The following BRWD1 variants were observed in gnomAD, a reference collection of about 807,000 sequenced individuals.
The protein encoded by BRWD1 is bromodomain and WD repeat domain containing 1, also known as bromodomain and WD repeat-containing protein 1.
BRWD1 carries 82 observed loss-of-function variants against 251.2 expected under a neutral mutation model. The observed-to-expected ratio is 0.33, with a 90% CI of 0.27 to 0.39. The LOEUF is 0.39. BRWD1 is among the 10% of genes least tolerant of loss of function. The pLI, the probability that BRWD1 is intolerant of heterozygous loss-of-function variation, is 1.00. For synonymous variants in BRWD1, 918 were observed against 902.8 expected, an observed-to-expected ratio of 1.02 and a Z score of -0.30; for missense variants, 2,233 against 2,711.6, an observed-to-expected ratio of 0.82 and a Z score of 3.92.
chr21:39,242,492 C>T (rs2034037803), intron 21 of BRWD1, among the ~76,000 whole-genome samples: 1 of 152,186 alleles, frequency 6.6e-6, no homozygotes, highest in South Asian at 2.1e-4. Context: ...GGTGAAGCAG[C>T]AAGTGCTTTA....
At chr21:39,312,560 GA>G (rs143724712) in intron 4 of BRWD1, 124 of 325,650 alleles carry the variant, frequency 3.8e-4, no homozygotes, top group African/African-American at 2.5e-3. Context: ...CACCCCCGCA[GA>G]GGCGGCCGCA....
Position 39,256,637 on chromosome 21 carries a change from GC to G in BRWD1, c.2072-810del, listed in dbSNP as rs1243193332. ...TGTTAAGGTGGGTATAGGAGGCTGCGCAACCTCCCATGAGCTGGAAGCCACA... is the reference window on the plus strand; with the variant it reads ...TGTTAAGGTGGGTATAGGAGGCTGCGAACCTCCCATGAGCTGGAAGCCACA... On this transcript the variant is annotated intron_variant, in intron 18 of 40. Coordinates refer to ENST00000342449, the MANE Select transcript of BRWD1 (RefSeq NM_033656.4). Among the ~76,000 whole-genome samples, 8 of 152,184 alleles carry G rather than the reference GC, an allele frequency of 5.3e-5. No homozygotes were observed. In the South Asian group the frequency reaches 1.0e-3, roughly 20 times the overall value.
rs151076785 is a variant in BRWD1 at position 39,196,956 on chromosome 21, A to G, written c.6113T>C (p.Ile2038Thr). 4 of 1,613,982 alleles carry G rather than the reference A, an allele frequency of 2.5e-6. No homozygotes were observed. Among genetic ancestry groups the G allele is most frequent in the African/African-American group, 1.3e-5 (1 of 75,054 alleles). Reference sequence around the variant, plus strand: ...ACTTTTTCTTTTAGAAGGTGCATCTATTTTGTGAATATTGGTATGCCTGTG... The same window carrying G: ...ACTTTTTCTTTTAGAAGGTGCATCTGTTTTGTGAATATTGGTATGCCTGTG... Reference protein sequence around the residue: ...HKHRHTNIHKIDAPSKRKSSS... With the variant: ...HKHRHTNIHKTDAPSKRKSSS... The change falls in exon 41 of 41, where the codon ATA becomes ACA. Residue 2038 changes from isoleucine to threonine, a missense_variant. Ile to Thr is a moderately conservative substitution (Grantham distance 89, BLOSUM62 -1). This residue lies in a region of BRWD1 where 928 missense variants were observed against 970.0 expected (regional missense o/e 0.96). Coordinates refer to ENST00000342449, the MANE Select transcript of BRWD1 (RefSeq NM_033656.4).
intron 38 of BRWD1, among the ~76,000 whole-genome samples, chr21:39,201,779 G>T (rs1045620435): frequency 1.3e-5 from 2 of 152,124 alleles, no homozygotes; most frequent in African/African-American, 4.8e-5. Flanking sequence ...TTTCAATGCT[G>T]TCAATACTAT....
At position 39,296,370 on chromosome 21, in the gene BRWD1, A is replaced by G; in HGVS notation, c.350-7T>C. On this transcript the variant is annotated splice_region_variant and splice_polypyrimidine_tract_variant and intron_variant, in intron 5 of 40. Coordinates refer to ENST00000342449, the MANE Select transcript of BRWD1 (RefSeq NM_033656.4). ...CAAACTGTGTGCCTGCAGTCTTTAAAATGAATTTTAGATACACATAAAATC... is the reference window on the plus strand; with the variant it reads ...CAAACTGTGTGCCTGCAGTCTTTAAGATGAATTTTAGATACACATAAAATC... The G allele has an allele frequency of 6.4e-7, 1 of 1,557,928 alleles. No individual in the cohort carries two copies. Among genetic ancestry groups the G allele is most frequent in the South Asian group, 1.2e-5 (1 of 80,532 alleles).
At chr21:39,252,940 A>T (rs2034443585) in intron 19 of BRWD1, among the ~76,000 whole-genome samples, 1 of 152,176 alleles carries the variant, frequency 6.6e-6, no homozygotes, top group Admixed American at 6.5e-5. Context: ...TCACAAATAC[A>T]GATATGTAAT....
At position 39,192,231 on chromosome 21, in the gene BRWD1, G is replaced by A. The variant is rs1418508409; in HGVS notation, c.*4028C>T. On this transcript the variant is annotated 3_prime_UTR_variant, in exon 41 of 41. Coordinates refer to ENST00000342449, the MANE Select transcript of BRWD1 (RefSeq NM_033656.4). The stretch of plus-strand genomic sequence containing the variant: ...TTTAAAACTTAAAATCGTAAGAAAA[G>A]ACAACACAGCCCTTAGCATTACATA... The A allele has an allele frequency of 5.1e-6, 5 of 978,540 alleles. No individual in the cohort carries two copies. The highest frequency in any genetic ancestry group is 6.0e-6 in the Non-Finnish European group (5 of 828,224). 60.6% of individuals were successfully genotyped at this position (978,540 alleles called of 1,614,324 possible). A position where few individuals can be genotyped will look rare whatever the true frequency, so the allele number is the denominator to read the frequency against.
chr21:39,295,103 A>T (rs2035919148), intron 7 of BRWD1, among the ~76,000 whole-genome samples: 1 of 150,446 alleles, frequency 6.6e-6, no homozygotes, highest in Admixed American at 6.6e-5. Flanking sequence ...GTTAATACAT[A>T]TATTTAATTA....
At chr21:39,220,782 G>A (rs958049412) in intron 29 of BRWD1, among the ~76,000 whole-genome samples, 2 of 152,104 alleles carry the variant, frequency 1.3e-5, no homozygotes, top group African/African-American at 2.4e-5. Context: ...ACAACAAGCA[G>A]TAAGGTGAAT....
At chr21:39,208,307 T>C (rs1261809087) in intron 36 of BRWD1, among the ~76,000 whole-genome samples, 1 of 152,136 alleles carries the variant, frequency 6.6e-6, no homozygotes, top group East Asian at 1.9e-4. Context: ...AATGGTGACT[T>C]TGACAAAAAT....
intron 8 of BRWD1, among the ~76,000 whole-genome samples, chr21:39,280,945 C>T (rs2035436034): frequency 6.6e-6 from 1 of 152,078 alleles, no homozygotes; most frequent in Non-Finnish European, 1.5e-5. Flanking sequence ...GCTAAACAAG[C>T]AAGCTACAGA....
intron 8 of BRWD1, among the ~76,000 whole-genome samples, chr21:39,291,946 C>CTTT (rs1568960192): frequency 1.3e-5 from 2 of 152,190 alleles, no homozygotes; most frequent in South Asian, 2.1e-4. Flanking sequence ...GCATAAGTCT[C>CTTT]TTTTTTTATT....
intron 29 of BRWD1, among the ~76,000 whole-genome samples, chr21:39,221,313 G>T (rs1473411587): frequency 6.6e-6 from 1 of 152,090 alleles, no homozygotes; most frequent in Non-Finnish European, 1.5e-5. Context: ...CAAGAAATGT[G>T]TATGAAACAA....
chr21:39,264,790 A>G (rs541243830), intron 16 of BRWD1, 101 bp downstream of exon 16: 931 of 1,519,284 alleles, frequency 6.1e-4, no homozygotes, highest in Non-Finnish European at 7.8e-4. Context: ...AAATCAAATC[A>G]CTCAGCTAAA....
chr21:39,197,521 T>C (rs893077068), intron 40 of BRWD1, 106 bp from the exon 41 acceptor site: 4 of 874,306 alleles, frequency 4.6e-6, no homozygotes, highest in African/African-American at 3.4e-5. Flanking sequence ...GAAGGGGGTA[T>C]TGCAGTGAAT....
In BRWD1 at chr21:39,189,017, A is replaced by G. The variant is rs1010156522; in HGVS notation, c.*7242T>C. On this transcript the variant is annotated 3_prime_UTR_variant, in exon 41 of 41. Transcript: ENST00000342449. ...AAGTGCACTGTGTTTACCACTTCAA[A>G]GACACTTCTCTTGGGAATTTTAAAA... 5 of 985,262 alleles carry G rather than the reference A, an allele frequency of 5.1e-6. No individual in the cohort carries two copies. In the African/African-American group the frequency reaches 8.7e-5, roughly 17 times the overall value. 61.0% of individuals were successfully genotyped at this position (985,262 alleles called of 1,614,324 possible). A position where few individuals can be genotyped will look rare whatever the true frequency, so the allele number is the denominator to read the frequency against.
chr21:39,234,501 A>C (rs1040037074), intron 23 of BRWD1, among the ~76,000 whole-genome samples: 4 of 152,238 alleles, frequency 2.6e-5, no homozygotes, highest in African/African-American at 9.6e-5. Flanking sequence ...TCCAAGACTT[A>C]AGGTACTCTC....
upstream of BRWD1, chr21:39,314,094 C>T (rs35994303): frequency 0.48 from 217,316 of 455,748 alleles, 52,716 homozygotes; most frequent in Admixed American, 0.56. Context: ...TTTCACGGAC[C>T]GGTCGTCTGG....
At chr21:39,272,880 G>A (rs2035163423) in intron 13 of BRWD1, among the ~76,000 whole-genome samples, 2 of 152,208 alleles carry the variant, frequency 1.3e-5, no homozygotes, top group East Asian at 3.9e-4. Flanking sequence ...CCAAAGTGCT[G>A]GGAATACAGG....
Sources: gnomAD v4.1 joint callset for allele counts (sites outside exome capture counted in the v4.1 genomes callset) on GRCh38, gnomAD v4.1.1 for gene constraint, gnomAD v4.1.1 regional missense constraint, MANE v1.5 for transcripts, NCBI Gene and HGNC (gene_info 2026-07-23, HGNC 2026-07-21) for gene names.